The following GRIP1 variants were observed in gnomAD, a reference collection of about 807,000 sequenced individuals.
GRIP1 encodes the protein glutamate receptor-interacting protein 1.
In GRIP1, 45 loss-of-function variants were observed where a neutral mutation model predicts 129.9. The observed-to-expected ratio is 0.35, with a 90% CI of 0.27 to 0.44. GRIP1 has a LOEUF of 0.44. Among genes scored for constraint, GRIP1 ranks in the 20% least tolerant of loss-of-function variants. GRIP1 has a pLI of 1.00. For synonymous variants in GRIP1, 530 were observed against 520.8 expected (o/e 1.02, Z -0.24); for missense variants, 1,196 against 1,396.8 (o/e 0.86, Z 2.29).
At chr12:66,606,172 A>G (rs1170013964) in intron 1 of GRIP1, among the ~76,000 whole-genome samples, 2 of 152,194 alleles carry the variant, frequency 1.3e-5, no homozygotes, top group Non-Finnish European at 2.9e-5. Flanking sequence ...AATTTTCATT[A>G]ATTTTTAAAA....
chr12:67,023,703 G>A (rs923827150), intron 1 of GRIP1, among the ~76,000 whole-genome samples: 1 of 151,912 alleles, frequency 6.6e-6, no homozygotes, highest in Non-Finnish European at 1.5e-5. Flanking sequence ...ATTAAGCAGT[G>A]GAATCCAAAA....
At chr12:66,937,239 T>C (rs919857041) in intron 1 of GRIP1, among the ~76,000 whole-genome samples, 8 of 152,186 alleles carry the variant, frequency 5.3e-5, no homozygotes, top group Non-Finnish European at 1.0e-4. Context: ...TATTATCTAA[T>C]TTTAAACTCT....
At chr12:66,910,226 T>G (rs1466522025) in intron 1 of GRIP1, among the ~76,000 whole-genome samples, 1 of 152,214 alleles carries the variant, frequency 6.6e-6, no homozygotes, top group Non-Finnish European at 1.5e-5. Flanking sequence ...GTTTAATGAC[T>G]ACTTCATCAC....
At chr12:66,700,726 A>G (rs1237675212) in intron 1 of GRIP1, among the ~76,000 whole-genome samples, 1 of 152,150 alleles carries the variant, frequency 6.6e-6, no homozygotes, top group Non-Finnish European at 1.5e-5. Flanking sequence ...TAGTACTGCT[A>G]GCAAGAGATG....
At chr12:66,653,658 G>T (rs2032955507) in intron 1 of GRIP1, among the ~76,000 whole-genome samples, 2 of 152,164 alleles carry the variant, frequency 1.3e-5, no homozygotes, top group South Asian at 4.1e-4. Flanking sequence ...ATAAGCATTT[G>T]GCAGATGCAC....
At chr12:66,541,710 G>A (rs2061786076) in intron 3 of GRIP1, 105 bp downstream of exon 3, 12 of 1,176,250 alleles carry the variant, frequency 1.0e-5, no homozygotes, top group Admixed American at 5.1e-5. Flanking sequence ...CCTGGCAGAT[G>A]GCAGCTGTCA....
intron 1 of GRIP1, among the ~76,000 whole-genome samples, chr12:66,824,767 C>T (rs532754214): frequency 6.6e-6 from 1 of 152,058 alleles, no homozygotes; most frequent in Admixed American, 6.5e-5. Flanking sequence ...GAAAAATGAA[C>T]AAAAATGAAT....
chr12:66,921,878 T>C (rs1359779934), intron 1 of GRIP1, among the ~76,000 whole-genome samples: 1 of 152,212 alleles, frequency 6.6e-6, no homozygotes, highest in African/African-American at 2.4e-5. Context: ...CTTCTTCTAA[T>C]CTTTAACTTC....
intron 1 of GRIP1, among the ~76,000 whole-genome samples, chr12:66,803,439 T>C (rs1228797952): frequency 6.6e-6 from 1 of 152,224 alleles, no homozygotes; most frequent in Non-Finnish European, 1.5e-5. Flanking sequence ...AGTTCTCTTC[T>C]ATTTATAAGC....
chr12:66,859,368 T>C (rs1265768736), intron 1 of GRIP1, among the ~76,000 whole-genome samples: 2 of 150,010 alleles, frequency 1.3e-5, no homozygotes, highest in African/African-American at 2.4e-5. Flanking sequence ...TTGTGTATGG[T>C]CCATAAGTTC....
upstream of GRIP1, chr12:66,679,266 T>A: frequency 1.9e-6 from 1 of 536,388 alleles, no homozygotes; most frequent in Non-Finnish European, 2.8e-6. Flanking sequence ...CAGTGCATTC[T>A]GTTTAAGGCA....
intron 1 of GRIP1, among the ~76,000 whole-genome samples, chr12:66,602,934 C>T (rs112688895): frequency 1.4e-4 from 20 of 141,256 alleles, no homozygotes; most frequent in African/African-American, 4.7e-4. Context: ...TCGTGGCTCA[C>T]TGCAGCCTCA....
At chr12:66,758,974 G>T (rs1321342240) in intron 1 of GRIP1, among the ~76,000 whole-genome samples, 4 of 152,186 alleles carry the variant, frequency 2.6e-5, no homozygotes. Flanking sequence ...GCTGTCAGTG[G>T]ATCTATCGTT....
chr12:67,046,686 A>C (rs2043259323), intron 1 of GRIP1, among the ~76,000 whole-genome samples: 1 of 152,166 alleles, frequency 6.6e-6, no homozygotes, highest in Non-Finnish European at 1.5e-5. Flanking sequence ...CAATCCCTAA[A>C]CTTAAAAGAA....
At chr12:67,021,383 G>A (rs1040497437) in intron 1 of GRIP1, among the ~76,000 whole-genome samples, 41 of 152,222 alleles carry the variant, frequency 2.7e-4, no homozygotes, top group African/African-American at 9.4e-4. Context: ...CATTCTTTTT[G>A]AGGAGGTCAA....
rs1056215561 is a variant in GRIP1, at chr12:66,715,489, A to T, written c.-419-85153T>A. 1.0e-2 allele frequency among the ~76,000 whole-genome samples: 1,216 copies of T among 122,150 alleles called. 15 individuals carry two copies. Among genetic ancestry groups the T allele is most frequent in the African/African-American group, 0.033 (1,134 of 34,030 alleles). 80.1% of individuals were successfully genotyped at this position (122,150 alleles called of 152,430 possible). On this transcript the variant is annotated intron_variant, in intron 1 of 4. Coordinates refer to the GRIP1 transcript ENST00000538373. ...GTGTGTGTGAGAGAGAGAGAGAGAG[A>T]GAGAGAGAGAGAGAGAGAGAGAGAG... is the stretch of plus-strand genomic sequence containing the variant.
chr12:66,753,834 T>C (rs10878501), intron 1 of GRIP1, among the ~76,000 whole-genome samples: 15,185 of 152,276 alleles, frequency 0.1, 875 homozygotes, highest in Middle Eastern at 0.2. Context: ...AAATGACTGA[T>C]AGTATCTGAT....
At chr12:66,420,547 C>T (rs1026999282) in intron 15 of GRIP1, among the ~76,000 whole-genome samples, 173 bp downstream of exon 15, 6 of 150,980 alleles carry the variant, frequency 4.0e-5, no homozygotes, top group Non-Finnish European at 8.8e-5. Context: ...AGGAAGAGAT[C>T]TATGGAGCCA....
chr12:66,798,582 CCTTCTATTTCAGA>C (rs2038767985), intron 1 of GRIP1, among the ~76,000 whole-genome samples: 1 of 152,066 alleles, frequency 6.6e-6, no homozygotes, highest in African/African-American at 2.4e-5. Flanking sequence ...TGAAGAAGGA[CCTTCTATTTCAGA>C]TAGCATGCCG....
Sources: allele counts gnomAD v4.1 joint callset (sites outside exome capture counted in the v4.1 genomes callset), GRCh38; gene constraint gnomAD v4.1.1; transcripts MANE v1.5; gene names NCBI Gene and HGNC (gene_info 2026-07-23, HGNC 2026-07-21).